YES1: variants seen among roughly 807,000 people sequenced by gnomAD.
YES1 encodes the protein YES proto-oncogene 1, Src family tyrosine kinase, also known as tyrosine-protein kinase Yes.
YES1 carries 39 observed loss-of-function variants against 70.4 expected under a neutral mutation model. The ratio of observed to expected loss-of-function variants is 0.55; its 90% CI spans 0.43 to 0.72. YES1 has a LOEUF of 0.72. YES1 is among the 30% of genes least tolerant of loss of function. The probability of loss-of-function intolerance (pLI) is 0.00; values close to 1 mark genes in which losing one functional copy is unlikely to be tolerated. For missense variants in YES1, 495 were observed against 644.8 expected (o/e 0.77, Z 2.52); for synonymous variants, 198 against 218.6 (o/e 0.91, Z 0.83).
chr18:779,366 T>C (rs1905540093), intron 1 of YES1, among the ~76,000 whole-genome samples: 1 of 146,370 alleles, frequency 6.8e-6, no homozygotes, highest in Non-Finnish European at 1.5e-5. Context: ...ATCGCACCAC[T>C]GCACTCCAGC....
intron 4 of YES1, among the ~76,000 whole-genome samples, chr18:746,948 T>C (rs566767624): frequency 2.0e-5 from 3 of 152,342 alleles, no homozygotes; most frequent in South Asian, 2.1e-4. Context: ...TCTTAACTAA[T>C]TGTAAGTTGC....
chr18:767,190 C>T (rs1904951499), intron 1 of YES1, among the ~76,000 whole-genome samples: 1 of 152,134 alleles, frequency 6.6e-6, no homozygotes. Context: ...GGTCTGGCTA[C>T]TCTGGCTGGA....
At chr18:733,383 G>A (rs529087575) in intron 10 of YES1, among the ~76,000 whole-genome samples, 2 of 152,088 alleles carry the variant, frequency 1.3e-5, no homozygotes, top group Non-Finnish European at 2.9e-5. Context: ...TATCATTCTG[G>A]AAAATTTTAT....
chr18:736,634 G>A (rs1224164198), intron 10 of YES1, 174 bp downstream of exon 10: 2 of 806,620 alleles, frequency 2.5e-6, no homozygotes, highest in African/African-American at 3.5e-5. Flanking sequence ...CTTTCTTGGA[G>A]GAAATAACTA....
chr18:744,074 T>A (rs1450883179), intron 6 of YES1, among the ~76,000 whole-genome samples: 11 of 150,502 alleles, frequency 7.3e-5, no homozygotes, highest in South Asian at 6.3e-4. Flanking sequence ...AAATATATAT[T>A]TTTTTAAGTT....
chr18:749,570 A>G (rs1385351823), intron 3 of YES1, among the ~76,000 whole-genome samples: 1 of 147,550 alleles, frequency 6.8e-6, no homozygotes, highest in Non-Finnish European at 1.5e-5. Context: ...AATGTTATCT[A>G]GAAGGCTGGG....
At chr18:802,267 T>C (rs1906863889) in intron 1 of YES1, among the ~76,000 whole-genome samples, 2 of 150,512 alleles carry the variant, frequency 1.3e-5, no homozygotes, top group Admixed American at 6.6e-5. Context: ...AGAAAGAAAA[T>C]AAAATAATTA....
In YES1 at chr18:799,801, TGAG is replaced by T. The variant is rs879645723; in HGVS notation, c.-9+12310_-9+12312del. Among the ~76,000 whole-genome samples the T allele has an allele frequency of 3.9e-5, 6 of 152,072 alleles. No homozygotes were observed. In the East Asian group the frequency reaches 1.2e-3, roughly 29 times the overall value. On this transcript the variant is annotated intron_variant, in intron 1 of 11. Transcript: ENST00000314574. ...CTGTAATCTCAGCTACTTGGGAGGC[TGAG>T]GTGAGAGGATCACTTGAACCCAGGA...
intron 11 of YES1, among the ~76,000 whole-genome samples, chr18:732,454 AAAAC>A (rs1395079319): frequency 0.012 from 1,712 of 146,590 alleles, 43 homozygotes; most frequent in African/African-American, 0.04. Flanking sequence ...AAAAAAAAAA[AAAAC>A]AAAACACCAA....
chr18:749,858 CAA>C lies in YES1; in HGVS notation c.372-1842_372-1841del, dbSNP rs5822576. Among the ~76,000 whole-genome samples the C allele has an allele frequency of 1.1e-3, 130 of 116,500 alleles. 1 individual carries two copies. The highest frequency in any genetic ancestry group is 1.6e-3 in the African/African-American group (50 of 32,096). 76.4% of individuals were successfully genotyped at this position (116,500 alleles called of 152,430 possible). ...CTGGCGACAGAGCAAGACTCCGTCT[CAA>C]AAAAAAAAAAAAAAAGTTATCTAGA... is the stretch of plus-strand genomic sequence containing the variant. On this transcript the variant is annotated intron_variant, in intron 3 of 11. Coordinates refer to ENST00000314574, the MANE Select transcript of YES1 (RefSeq NM_005433.4).
chr18:806,194 T>A (rs1907088425), intron 1 of YES1, among the ~76,000 whole-genome samples: 1 of 152,220 alleles, frequency 6.6e-6, no homozygotes, highest in Admixed American at 6.5e-5. Context: ...ATGCATTTTT[T>A]AAAAATCTAG....
chr18:722,585 C>T lies in YES1; in HGVS notation c.*1839G>A, dbSNP rs532149856. On this transcript the variant is annotated 3_prime_UTR_variant, in exon 12 of 12. Coordinates refer to ENST00000314574, the MANE Select transcript of YES1 (RefSeq NM_005433.4). ...TCATCAATTTTTCCTTTGCTAGACA[C>T]TCAAACCACTAATGCTGCTATTCAA... 6.6e-6 allele frequency: 1 copy of T among 152,456 alleles called. No individual in the cohort carries two copies. The highest frequency in any genetic ancestry group is 2.4e-5 in the African/African-American group (1 of 41,562). 9.4% of individuals were successfully genotyped at this position (152,456 alleles called of 1,614,324 possible). A position where few individuals can be genotyped will look rare whatever the true frequency, so the allele number is the denominator to read the frequency against.
chr18:764,164 T>C (rs1904749660), intron 1 of YES1, among the ~76,000 whole-genome samples: 1 of 152,182 alleles, frequency 6.6e-6, no homozygotes, highest in Non-Finnish European at 1.5e-5. Context: ...CAGTATTTAT[T>C]GAACCTTTTA....
intron 1 of YES1, among the ~76,000 whole-genome samples, chr18:790,547 C>T (rs1164788283): frequency 6.6e-6 from 1 of 152,018 alleles, no homozygotes; most frequent in African/African-American, 2.4e-5. Flanking sequence ...CACTAGATTT[C>T]ATCATAAACT....
chr18:797,562 T>A (rs548583422), intron 1 of YES1, among the ~76,000 whole-genome samples: 1 of 152,210 alleles, frequency 6.6e-6, no homozygotes, highest in East Asian at 1.9e-4. Context: ...AAAGTACCAC[T>A]GACAATGACC....
chr18:745,862 G>T lies in YES1; in HGVS notation c.575-5C>A. ...GAATAGAAAGGGAATAAGCACCTGGGTGAAAAATAAATACTTTCACTATAT... is the reference window on the plus strand; with the variant it reads ...GAATAGAAAGGGAATAAGCACCTGGTTGAAAAATAAATACTTTCACTATAT... On this transcript the variant is annotated splice_region_variant and splice_polypyrimidine_tract_variant and intron_variant, in intron 5 of 11. Coordinates refer to ENST00000314574, the MANE Select transcript of YES1 (RefSeq NM_005433.4). 6.2e-7 allele frequency: 1 copy of T among 1,609,468 alleles called. No homozygotes were observed. The highest frequency in any genetic ancestry group is 8.5e-7 in the Non-Finnish European group (1 of 1,178,926).
At chr18:762,199 AATCTC>A (rs1904628527) in intron 1 of YES1, among the ~76,000 whole-genome samples, 1 of 152,246 alleles carries the variant, frequency 6.6e-6, no homozygotes, top group Admixed American at 6.5e-5. Flanking sequence ...CCATGCCTGT[AATCTC>A]AGCTACTCAG....
chr18:744,332 T>G (rs1274021502), intron 6 of YES1, among the ~76,000 whole-genome samples: 1 of 152,000 alleles, frequency 6.6e-6, no homozygotes, highest in African/African-American at 2.4e-5. Flanking sequence ...GCCACTAATT[T>G]GTAAGAGGCA....
rs767031283 is a variant in YES1, at chr18:759,777, G to GTA, written c.-8-2944_-8-2943dup. On this transcript the variant is annotated intron_variant, in intron 1 of 11. Transcript: ENST00000314574. ...TGTGCACAACGTGCAGGTTACATAT[G>GTA]TATACATGTGCCATGTTGGTGTGCT... Among the ~76,000 whole-genome samples the GTA allele has an allele frequency of 3.3e-5, 5 of 152,004 alleles. No individual in the cohort carries two copies. In the South Asian group the frequency reaches 1.0e-3, roughly 32 times the overall value.
Sources: allele counts gnomAD v4.1 joint callset (sites outside exome capture counted in the v4.1 genomes callset), GRCh38; gene constraint gnomAD v4.1.1; transcripts MANE v1.5; gene names NCBI Gene and HGNC (gene_info 2026-07-23, HGNC 2026-07-21).